The following BLTP1 variants were observed in gnomAD, a reference collection of about 807,000 sequenced individuals.
BLTP1 encodes the protein bridge-like lipid transfer protein family member 1.
the BLTP1 span, among the ~76,000 whole-genome samples, chr4:122,342,424 C>A: frequency 4.6e-5 from 7 of 152,132 alleles, no homozygotes; most frequent in South Asian, 1.2e-3. Context: ...GGCGCCATCT[C>A]AGCTCACTGC....
chr4:122,168,659 CAG>C, the BLTP1 span, among the ~76,000 whole-genome samples: 11 of 151,454 alleles, frequency 7.3e-5, no homozygotes, highest in African/African-American at 2.7e-4. Flanking sequence ...AAGGTGCTGA[CAG>C]GGATTTTTCA....
the BLTP1 span, among the ~76,000 whole-genome samples, chr4:122,317,126 GT>G: frequency 1.3e-5 from 2 of 152,134 alleles, no homozygotes; most frequent in East Asian, 3.9e-4. Context: ...GAGGTCAGGA[GT>G]TCAAGACCAG....
the BLTP1 span, among the ~76,000 whole-genome samples, chr4:122,319,804 G>C: frequency 1.3e-5 from 2 of 152,098 alleles, no homozygotes; most frequent in African/African-American, 2.4e-5. Context: ...CTCCCAAAAT[G>C]CTGGGATTAC....
chr4:122,214,616 CTTTTTTTTT>C, the BLTP1 span: 100 of 78,468 alleles, frequency 1.3e-3, no homozygotes, highest in African/African-American at 5.4e-3. Flanking sequence ...TCAGTAAATT[CTTTTTTTTT>C]TTTTTTTTTT....
At chr4:122,349,081 T>G in the BLTP1 span, 2 of 1,216,474 alleles carry the variant, frequency 1.6e-6, no homozygotes, top group Non-Finnish European at 2.2e-6. This position sits in a 1 kb window ranked among gnomAD's most constrained non-coding sequence, Gnocchi z 4.5. Flanking sequence ...CTGATTTAAC[T>G]CCTTTTTAAT....
At chr4:122,358,469 C>G in the BLTP1 span, among the ~76,000 whole-genome samples, 1 of 152,142 alleles carries the variant, frequency 6.6e-6, no homozygotes, top group Non-Finnish European at 1.5e-5. Flanking sequence ...TTACAAACAA[C>G]AAGCACTTCG....
chr4:122,230,343 G>T, the BLTP1 span: 1 of 715,788 alleles, frequency 1.4e-6, no homozygotes, highest in Non-Finnish European at 2.3e-6. Flanking sequence ...TTGTGCTGCT[G>T]CACCTCAATG....
chr4:122,253,744 C>T, the BLTP1 span, among the ~76,000 whole-genome samples: 1 of 151,936 alleles, frequency 6.6e-6, no homozygotes, highest in Non-Finnish European at 1.5e-5. Flanking sequence ...AAAGGGGTAA[C>T]AACAGAGAAC....
At chr4:122,256,607 A>G in the BLTP1 span, among the ~76,000 whole-genome samples, 1 of 152,208 alleles carries the variant, frequency 6.6e-6, no homozygotes, top group African/African-American at 2.4e-5. Context: ...GAGAGGAGTT[A>G]GATATTTTTC....
the BLTP1 span, chr4:122,331,371 G>A: frequency 6.2e-7 from 1 of 1,611,712 alleles, no homozygotes; most frequent in Admixed American, 1.7e-5. Context: ...CTGTTCATCA[G>A]CTATTTACAG....
the BLTP1 span, chr4:122,204,399 G>T: frequency 1.9e-5 from 16 of 846,458 alleles, 1 homozygote; most frequent in East Asian, 4.9e-4. Flanking sequence ...ATGTTCACTT[G>T]TATTATCTTC....
the BLTP1 span, chr4:122,341,572 A>T: frequency 9.9e-3 from 5,656 of 570,392 alleles, 37 homozygotes; most frequent in Non-Finnish European, 0.012. Context: ...ATGAAATGAG[A>T]AATTTTTTAT....
At chr4:122,267,057 T>TTTTTTTTTTTTTTTTTTTTTTTTTTTG in the BLTP1 span, 1 of 352,566 alleles carries the variant, frequency 2.8e-6, no homozygotes, top group African/African-American at 3.7e-5. Flanking sequence ...AGTAATTTTT[T>TTTTTTTTTTTTTTTTTTTTTTTTTTTG]TTTTTTTTTT....
chr4:122,266,540 G>A, the BLTP1 span, among the ~76,000 whole-genome samples: 2 of 151,922 alleles, frequency 1.3e-5, no homozygotes, highest in Non-Finnish European at 2.9e-5. Context: ...GTAGGGTCAA[G>A]GAATCTGTGT....
chr4:122,207,623 C>G, the BLTP1 span: 1 of 1,602,854 alleles, frequency 6.2e-7, no homozygotes, highest in African/African-American at 1.3e-5. Context: ...CATGTAATAC[C>G]AAGTTCTCTT....
the BLTP1 span, chr4:122,243,369 A>G: frequency 1.0e-6 from 1 of 973,848 alleles, no homozygotes; most frequent in Non-Finnish European, 1.2e-6. Context: ...TTCTCATTCA[A>G]TGTATTAGCC....
chr4:122,333,521 C>T, the BLTP1 span: 1 of 1,142,384 alleles, frequency 8.8e-7, no homozygotes, highest in Non-Finnish European at 1.2e-6. Context: ...ATTGTAGATT[C>T]TGGATATTAG....
the BLTP1 span, among the ~76,000 whole-genome samples, chr4:122,217,077 C>T: frequency 6.6e-6 from 1 of 152,008 alleles, no homozygotes; most frequent in African/African-American, 2.4e-5. Context: ...TATAAACCAT[C>T]CCTGCATCCC....
chr4:122,360,230 A>G, the BLTP1 span, among the ~76,000 whole-genome samples: 3 of 152,196 alleles, frequency 2.0e-5, no homozygotes, highest in African/African-American at 7.2e-5. Flanking sequence ...TAATATCTCA[A>G]ATTTAACACT....
Sources: gnomAD v4.1 joint callset for allele counts (sites outside exome capture counted in the v4.1 genomes callset) on GRCh38, gnomAD v4.1.1 for gene constraint, Gnocchi (gnomAD v3.1) non-coding constraint, MANE v1.5 for transcripts, NCBI Gene and HGNC (gene_info 2026-07-23, HGNC 2026-07-21) for gene names.